Variants in UGT2B4 observed in about 807,000 individuals in gnomAD.
UGT2B4 encodes UDP-glucuronosyltransferase 2B4.
In UGT2B4, 49 loss-of-function variants were observed where a neutral mutation model predicts 49.8. The ratio of observed to expected loss-of-function variants is 0.98; its 90% CI spans 0.78 to 1.25. The LOEUF (loss-of-function observed/expected upper bound fraction) is 1.25. UGT2B4 is among the 50% of genes most tolerant of loss of function. The pLI, the probability that UGT2B4 is intolerant of heterozygous loss-of-function variation, is 0.00. For missense variants in UGT2B4, 729 were observed against 627.7 expected, an observed-to-expected ratio of 1.16 and a Z score of -1.73; for synonymous variants, 246 against 217.7, an observed-to-expected ratio of 1.13 and a Z score of -1.14.
chr4:69,482,525 A>G (rs188738756), intron 5 of UGT2B4, among the ~76,000 whole-genome samples: 126 of 152,288 alleles, frequency 8.3e-4, no homozygotes, highest in South Asian at 1.9e-3. Context: ...TTGTCCTCCA[A>G]TTAAGTATTA....
At chr4:69,506,929 T>C (rs1207065135) in intron 1 of UGT2B4, among the ~76,000 whole-genome samples, 1 of 152,128 alleles carries the variant, frequency 6.6e-6, no homozygotes, top group Admixed American at 6.6e-5. Context: ...CCTACGGAAA[T>C]AAATAAATGT....
chr4:69,495,191 A>G lies in UGT2B4; in HGVS notation c.671T>C (p.Phe224Ser). The change falls in exon 1 of 6, where the codon TTC becomes TCC. Residue 224 changes from phenylalanine to serine, a missense_variant. Phe to Ser is a radical substitution (Grantham distance 155, BLOSUM62 -2). Transcript: ENST00000305107. Reference protein sequence around the residue: ...MIYVLYFEFWFQIFDMKKWDQ... With the variant: ...MIYVLYFEFWSQIFDMKKWDQ... ...CCACTTCTTCATGTCAAATATTTGG[A>G]ACCAAAATTCAAAATAAAGCACATA... The G allele has an allele frequency of 6.3e-7, 1 of 1,586,760 alleles. No homozygotes were observed. Among genetic ancestry groups the G allele is most frequent in the Non-Finnish European group, 8.5e-7 (1 of 1,170,534 alleles).
intron 1 of UGT2B4, among the ~76,000 whole-genome samples, chr4:69,513,682 A>G (rs1334737607): frequency 6.6e-6 from 1 of 152,214 alleles, no homozygotes; most frequent in African/African-American, 2.4e-5. Context: ...GGCCATTTTC[A>G]AAACACTGAT....
At chr4:69,499,543 C>T (rs1170784480), upstream of UGT2B4, among the ~76,000 whole-genome samples, 1 of 152,154 alleles carries the variant, frequency 6.6e-6, no homozygotes, top group Admixed American at 6.5e-5. Flanking sequence ...AGTCTGGGTG[C>T]TTCTGTATTG....
chr4:69,516,710 G>A (rs1728742961), intron 1 of UGT2B4, among the ~76,000 whole-genome samples: 1 of 151,914 alleles, frequency 6.6e-6, no homozygotes, highest in Non-Finnish European at 1.5e-5. Flanking sequence ...AGGTTTAGGG[G>A]ATTCTCATGT....
chr4:69,489,369 AT>A, intron 3 of UGT2B4, 69 bp downstream of exon 3: 1 of 1,584,240 alleles, frequency 6.3e-7, no homozygotes, highest in Non-Finnish European at 8.6e-7. Flanking sequence ...AGTTTCTACA[AT>A]TGGGTTCTTT....
intron 1 of UGT2B4, among the ~76,000 whole-genome samples, chr4:69,521,311 T>C (rs887000587): frequency 6.6e-6 from 1 of 152,140 alleles, no homozygotes; most frequent in African/African-American, 2.4e-5. Context: ...CTGTAGCTCT[T>C]TGGGGAGCCC....
At chr4:69,489,777 ATG>A (rs538955583) in intron 2 of UGT2B4, among the ~76,000 whole-genome samples, 28 of 152,048 alleles carry the variant, frequency 1.8e-4, no homozygotes, top group African/African-American at 6.3e-4. Flanking sequence ...TTGTGTAAAT[ATG>A]TGTGTGTGTA....
chr4:69,485,048 T>G (rs1318500181), intron 5 of UGT2B4, among the ~76,000 whole-genome samples, 160 bp downstream of exon 5: 3 of 152,166 alleles, frequency 2.0e-5, no homozygotes, highest in Non-Finnish European at 4.4e-5. Context: ...CAAATAAAAT[T>G]TTTAAATAAC....
At chr4:69,496,226 T>G (rs1211619571), upstream of UGT2B4, among the ~76,000 whole-genome samples, 1 of 151,958 alleles carries the variant, frequency 6.6e-6, no homozygotes, top group East Asian at 1.9e-4. Flanking sequence ...GGGGTTTCAC[T>G]GTATTCGGCA....
At chr4:69,487,778 A>C (rs1407252460) in intron 3 of UGT2B4, among the ~76,000 whole-genome samples, 1 of 152,124 alleles carries the variant, frequency 6.6e-6, no homozygotes, top group Non-Finnish European at 1.5e-5. Flanking sequence ...AAAAGATAAA[A>C]AATTTTAATA....
chr4:69,491,086 A>G (rs1164641273), intron 2 of UGT2B4, among the ~76,000 whole-genome samples: 1 of 152,152 alleles, frequency 6.6e-6, no homozygotes, highest in Non-Finnish European at 1.5e-5. Context: ...TGTAAACTAC[A>G]TATGTTTTCA....
chr4:69,480,874 A>G lies in UGT2B4; in HGVS notation c.1347T>C (p.His449=), dbSNP rs564297645. The change falls in exon 6 of 6, where the codon CAT becomes CAC. Residue 449 remains histidine, a synonymous_variant. Transcript: ENST00000305107. ...CAAGGGGCTTCACTGGTTGATCATG[A>G]TGAATTCTTGATAATTTCATAGCAT... ...KENAMKLSRI[H]HDQPVKPLDR... 1.1e-5 allele frequency: 17 copies of G among 1,613,724 alleles called. No homozygotes were observed. Among genetic ancestry groups the G allele is most frequent in the Non-Finnish European group, 1.4e-5 (17 of 1,179,828 alleles).
In UGT2B4 at chr4:69,507,164, C is replaced by T. The variant is rs550783136; in HGVS notation, c.-105-11198G>A. Among the ~76,000 whole-genome samples the T allele has an allele frequency of 2.0e-5, 3 of 152,288 alleles. No individual in the cohort carries two copies. In the East Asian group the frequency reaches 5.8e-4, roughly 29 times the overall value. ...GAGAGATTTCCCTTGAAAACCTCCA[C>T]AAGACAAGGATGCCCTCTCACCACT... On this transcript the variant is annotated intron_variant, in intron 1 of 1. Coordinates refer to the UGT2B4 transcript ENST00000510114.
intron 3 of UGT2B4, among the ~76,000 whole-genome samples, chr4:69,487,707 G>A (rs1029078470): frequency 6.6e-6 from 1 of 151,980 alleles, no homozygotes; most frequent in African/African-American, 2.4e-5. Flanking sequence ...AAGTTTACCT[G>A]TGTAACAAAC....
chr4:69,509,697 G>T (rs531152580), intron 1 of UGT2B4, among the ~76,000 whole-genome samples: 2 of 151,622 alleles, frequency 1.3e-5, no homozygotes, highest in African/African-American at 2.4e-5. Flanking sequence ...TATTAATTAG[G>T]GTTTCTTTTT....
chr4:69,504,285 T>C (rs889805018), intron 1 of UGT2B4, among the ~76,000 whole-genome samples: 7 of 152,144 alleles, frequency 4.6e-5, no homozygotes, highest in South Asian at 4.1e-4. Flanking sequence ...TTCACTAAGC[T>C]AAACAAGTAC....
chr4:69,493,872 T>C (rs763637571), intron 1 of UGT2B4, 31 bp from the exon 2 acceptor site: 2 of 1,570,978 alleles, frequency 1.3e-6, no homozygotes, highest in Non-Finnish European at 8.6e-7. Context: ...AAAAGATAGA[T>C]GACACAAGAT....
chr4:69,501,942 A>T (rs1023597137), intron 1 of UGT2B4, among the ~76,000 whole-genome samples: 1 of 151,998 alleles, frequency 6.6e-6, no homozygotes, highest in Non-Finnish European at 1.5e-5. Flanking sequence ...GGTTGCAGAG[A>T]TCTGTGGGAG....
Sources: allele counts gnomAD v4.1 joint callset (sites outside exome capture counted in the v4.1 genomes callset), GRCh38; gene constraint gnomAD v4.1.1; transcripts MANE v1.5; gene names NCBI Gene and HGNC (gene_info 2026-07-23, HGNC 2026-07-21).